Variants in GPR176 observed in about 807,000 individuals in gnomAD.
GPR176 encodes the protein G protein-coupled receptor 176.
In GPR176, 26 loss-of-function variants were observed where a neutral mutation model predicts 35.4. The ratio of observed to expected loss-of-function variants is 0.74; its 90% confidence interval spans 0.54 to 1.02. The LOEUF is 1.02. GPR176 is among the 50% of genes least tolerant of loss of function. The probability of loss-of-function intolerance (pLI) is 0.00; values close to 1 mark genes in which losing one functional copy is unlikely to be tolerated. For synonymous variants in GPR176, 278 were observed against 271.3 expected (o/e 1.02, Z -0.24); for missense variants, 597 against 665.3 (o/e 0.90, Z 1.13).
chr15:39,896,618 A>G (rs1274687528), intron 1 of GPR176, among the ~76,000 whole-genome samples: 1 of 152,244 alleles, frequency 6.6e-6, no homozygotes, highest in Non-Finnish European at 1.5e-5. Context: ...TTTTTAAGAT[A>G]ATCAAAGCTG....
At chr15:39,916,649 TTTCAAGAGAAAA>T (rs2033733060) in intron 1 of GPR176, among the ~76,000 whole-genome samples, 1 of 152,196 alleles carries the variant, frequency 6.6e-6, no homozygotes, top group Admixed American at 6.5e-5. Flanking sequence ...TTTAAATTTG[TTTCAAGAGAAAA>T]AAATAAAGAA....
intron 1 of GPR176, among the ~76,000 whole-genome samples, chr15:39,912,897 CT>C (rs1284758871): frequency 6.6e-6 from 1 of 152,134 alleles, no homozygotes; most frequent in African/African-American, 2.4e-5. Flanking sequence ...ATATTTGGAG[CT>C]GTCTGGCAGT....
At chr15:39,871,492 T>C (rs2032039937) in intron 1 of GPR176, among the ~76,000 whole-genome samples, 1 of 152,312 alleles carries the variant, frequency 6.6e-6, no homozygotes, top group Middle Eastern at 3.4e-3. Flanking sequence ...AGTATTTCTG[T>C]AGAGAGAAAT....
chr15:39,898,997 C>G (rs1409777526), intron 1 of GPR176, among the ~76,000 whole-genome samples: 2 of 152,132 alleles, frequency 1.3e-5, no homozygotes, highest in African/African-American at 4.8e-5. Flanking sequence ...AGACCTCCTT[C>G]CTGTTCTAGA....
At chr15:39,818,261 T>C (rs1317185409) in intron 1 of GPR176, among the ~76,000 whole-genome samples, 1 of 152,256 alleles carries the variant, frequency 6.6e-6, no homozygotes, top group Non-Finnish European at 1.5e-5. Flanking sequence ...GAGAAAATCA[T>C]GTTATTTTAG....
In GPR176 at chr15:39,801,198, T is replaced by C. The variant is rs1174490198; in HGVS notation, c.1482A>G (p.Val494=). Residue 494 remains valine, a synonymous_variant, in exon 3 of 3, where the codon GTA becomes GTG. Transcript: ENST00000561100. ...EELIQTKVPK[V]GRVERKMSRN... Reference sequence around the variant, plus strand: ...TGCTCATCTTCCGCTCCACCCTGCCTACCTTGGGCACCTTTGTCTGGATCA... The same window carrying C: ...TGCTCATCTTCCGCTCCACCCTGCCCACCTTGGGCACCTTTGTCTGGATCA... 4 of 1,614,080 alleles carry C rather than the reference T, an allele frequency of 2.5e-6. No individual in the cohort carries two copies. Among genetic ancestry groups the C allele is most frequent in the Non-Finnish European group, 3.4e-6 (4 of 1,179,932 alleles).
chr15:39,862,330 G>A (rs2031633033), intron 1 of GPR176: 1 of 152,192 alleles, frequency 6.6e-6, no homozygotes, highest in Admixed American at 6.5e-5. Flanking sequence ...TATCCTACCT[G>A]ATGAAATAAG....
At chr15:39,822,034 G>A (rs957055056) in intron 1 of GPR176, among the ~76,000 whole-genome samples, 1 of 152,174 alleles carries the variant, frequency 6.6e-6, no homozygotes, top group Non-Finnish European at 1.5e-5. Flanking sequence ...CAAATGACAC[G>A]TCTTGAGGAA....
At chr15:39,884,127 C>G (rs891991050) in intron 1 of GPR176, among the ~76,000 whole-genome samples, 2 of 152,196 alleles carry the variant, frequency 1.3e-5, no homozygotes, top group African/African-American at 4.8e-5. Flanking sequence ...CCCTCTGGGC[C>G]CACTCCCTTC....
chr15:39,914,161 G>T (rs1032491627), intron 1 of GPR176, among the ~76,000 whole-genome samples: 1 of 152,004 alleles, frequency 6.6e-6, no homozygotes, highest in East Asian at 1.9e-4. Context: ...TTTCACCAGA[G>T]AATTTAATTT....
intron 2 of GPR176, among the ~76,000 whole-genome samples, chr15:39,804,927 G>A (rs1422496309): frequency 6.6e-6 from 1 of 152,136 alleles, no homozygotes; most frequent in Non-Finnish European, 1.5e-5. Context: ...GTTGTTTATG[G>A]TCTGGGGATG....
chr15:39,807,266 G>A lies in GPR176; in HGVS notation c.173-8C>T, dbSNP rs776300561. On this transcript the variant is annotated splice_polypyrimidine_tract_variant and splice_region_variant and intron_variant, in intron 1 of 2. Transcript: ENST00000561100. ...ATAACACCATGAAGTTTCCTGGTCA[G>A]ATATGAAAGAAAATAAAATAATTTA... 6.9e-7 allele frequency: 1 copy of A among 1,444,638 alleles called. No homozygotes were observed. Among genetic ancestry groups the A allele is most frequent in the Non-Finnish European group, 9.2e-7 (1 of 1,087,054 alleles). 89.5% of individuals were successfully genotyped at this position (1,444,638 alleles called of 1,614,324 possible).
chr15:39,920,106 G>A lies in GPR176; in HGVS notation c.-80C>T, dbSNP rs1369625408. On this transcript the variant is annotated 5_prime_UTR_variant, in exon 1 of 3. Transcript: ENST00000561100. ...GCCTCTCCTCCTCCGGGTGAGGAGG[G>A]ACGCGCGGGCGCCTGGCGGAGTCCT... The A allele has an allele frequency of 1.0e-6, 1 of 995,316 alleles. No homozygotes were observed. Among genetic ancestry groups the A allele is most frequent in the Non-Finnish European group, 1.3e-6 (1 of 758,970 alleles). 61.7% of individuals were successfully genotyped at this position (995,316 alleles called of 1,614,324 possible).
At chr15:39,888,067 C>G (rs745866669) in intron 1 of GPR176, among the ~76,000 whole-genome samples, 1 of 152,160 alleles carries the variant, frequency 6.6e-6, no homozygotes, top group Non-Finnish European at 1.5e-5. Context: ...GTTTGCCACG[C>G]CTAGAGACTC....
intron 1 of GPR176, among the ~76,000 whole-genome samples, chr15:39,915,083 G>A (rs930427862): frequency 2.6e-5 from 4 of 152,180 alleles, no homozygotes; most frequent in Non-Finnish European, 5.9e-5. Context: ...TCTTTACTTG[G>A]GGTCATCAAT....
At chr15:39,823,293 A>T (rs780901199) in intron 1 of GPR176, among the ~76,000 whole-genome samples, 1 of 152,168 alleles carries the variant, frequency 6.6e-6, no homozygotes, top group Non-Finnish European at 1.5e-5. Context: ...GGACTCTCAC[A>T]ATCATCTTGG....
intron 1 of GPR176, among the ~76,000 whole-genome samples, chr15:39,859,884 G>A (rs1454958118): frequency 5.9e-5 from 9 of 151,924 alleles, no homozygotes; most frequent in Admixed American, 5.9e-4. Context: ...GAGACTGGCT[G>A]TACAACAATG....
At chr15:39,804,828 G>A (rs1899093314) in intron 2 of GPR176, among the ~76,000 whole-genome samples, 1 of 152,140 alleles carries the variant, frequency 6.6e-6, no homozygotes, top group Admixed American at 6.5e-5. Flanking sequence ...AGTGAAAGAA[G>A]CCAGACACAA....
At chr15:39,914,840 T>C (rs1003252179) in intron 1 of GPR176, among the ~76,000 whole-genome samples, 2 of 152,244 alleles carry the variant, frequency 1.3e-5, no homozygotes, top group Admixed American at 1.3e-4. Flanking sequence ...AGCTATTCTC[T>C]GGTTAATTTC....
Sources: allele counts gnomAD v4.1 joint callset (sites outside exome capture counted in the v4.1 genomes callset), GRCh38; gene constraint gnomAD v4.1.1; transcripts MANE v1.5; gene names NCBI Gene and HGNC (gene_info 2026-07-23, HGNC 2026-07-21).